The following TRIM26 variants were observed in gnomAD, a reference collection of about 807,000 sequenced individuals.
TRIM26 encodes tripartite motif-containing protein 26.
A neutral mutation model predicts 45.5 loss-of-function variants in TRIM26; 16 were observed. The ratio of observed to expected loss-of-function variants is 0.35; its 90% CI spans 0.24 to 0.53. TRIM26 has a LOEUF of 0.53. Among genes scored for constraint, TRIM26 ranks in the 20% least tolerant of loss-of-function variants. The pLI, the probability that TRIM26 is intolerant of heterozygous loss-of-function variation, is 0.92. For synonymous variants in TRIM26, 273 were observed against 290.4 expected, an observed-to-expected ratio of 0.94 and a Z score of 0.61; for missense variants, 442 against 691.1, an observed-to-expected ratio of 0.64 and a Z score of 4.04.
At position 30,189,268 on chromosome 6, in the gene TRIM26, G is replaced by A. The variant is rs1775552769; in HGVS notation, c.905-69C>T. 1.2e-6 allele frequency: 2 copies of A among 1,606,086 alleles called. No individual in the cohort carries two copies. Among genetic ancestry groups the A allele is most frequent in the African/African-American group, 1.3e-5 (1 of 74,776 alleles). ...TATGAGCCCATTTCTTGCTCGGGCA[G>A]TATCAATTTCCTGATAGGGATCCAT... On this transcript the variant is annotated intron_variant, in intron 8 of 9. Coordinates refer to ENST00000454678, the MANE Select transcript of TRIM26 (RefSeq NM_003449.5). This position sits in a 1 kb window ranked among gnomAD's most constrained non-coding sequence, Gnocchi z 5.0.
chr6:30,212,692 G>C (rs892019162), intron 1 of TRIM26, among the ~76,000 whole-genome samples: 6 of 152,160 alleles, frequency 3.9e-5, no homozygotes, highest in African/African-American at 1.2e-4. Flanking sequence ...ATGCATAAAC[G>C]AATGTCATTC....
Position 30,186,430 on chromosome 6 carries a change from C to A in TRIM26, c.1066G>T (p.Gly356Trp). The part of the protein sequence containing the change: ...LHPQQFDCEP[G>W]VLGSKGFTWG... The stretch of plus-strand genomic sequence containing the variant: ...GTGAAGCCCTTGCTGCCTAGCACCC[C>A]AGGCTCACAGTCAAACTGCTGGGGG... The change falls in exon 10 of 10, where the codon GGG becomes TGG. Residue 356 changes from glycine (G) to tryptophan (W), a missense_variant. Transcript: ENST00000454678. This position sits in a 1 kb window ranked among gnomAD's most constrained non-coding sequence, Gnocchi z 7.4. 6.2e-7 allele frequency: 1 copy of A among 1,606,804 alleles called. No homozygotes were observed. The highest frequency in any genetic ancestry group is 8.5e-7 in the Non-Finnish European group (1 of 1,176,338).
At position 30,186,085 on chromosome 6, in the gene TRIM26, A is replaced by T; in HGVS notation, c.1411T>A (p.Trp471Arg). The T allele has an allele frequency of 6.3e-7, 1 of 1,593,834 alleles. No individual in the cohort carries two copies. The highest frequency in any genetic ancestry group is 2.3e-5 in the East Asian group (1 of 43,716). The change falls in exon 10 of 10, where the codon TGG (tryptophan) becomes AGG (arginine). Residue 471 changes from tryptophan to arginine, a missense_variant. By Grantham distance (101) the Trp-to-Arg change is moderately radical. Transcript: ENST00000454678. This position sits in a 1 kb window ranked among gnomAD's most constrained non-coding sequence, Gnocchi z 7.4. ...WALRLSSSGI[W>R]ANTSPEAELF... The stretch of plus-strand genomic sequence containing the variant: ...TCAGCCTCGGGGCTGGTGTTGGCCC[A>T]GATGCCGGAGGAGGAGAGGCGCAGC...
In TRIM26 at chr6:30,198,180, A is replaced by G. The variant is rs1776691891; in HGVS notation, c.534+249T>C. Among the ~76,000 whole-genome samples, 1 of 152,248 alleles carries G rather than the reference A, an allele frequency of 6.6e-6. No individual in the cohort carries two copies. The highest frequency in any genetic ancestry group is 2.4e-5 in the African/African-American group (1 of 41,460). On this transcript the variant is annotated intron_variant, in intron 5 of 9. Transcript: ENST00000454678. This position sits in a 1 kb window ranked among gnomAD's most constrained non-coding sequence, Gnocchi z 6.3. ...CCTGCCTTCAAGGTGACAGTCACAG[A>G]AAACGGAAGGGACTCTAGCTGACAT...
chr6:30,197,376 G>A (rs1776600549), intron 5 of TRIM26, among the ~76,000 whole-genome samples: 1 of 152,138 alleles, frequency 6.6e-6, no homozygotes, highest in African/African-American at 2.4e-5. Flanking sequence ...TGAGGGCCTG[G>A]AGGGGTCCTT....
intron 3 of TRIM26, among the ~76,000 whole-genome samples, chr6:30,200,719 C>T (rs17188226): frequency 0.12 from 17,631 of 152,250 alleles, 1,545 homozygotes; most frequent in African/African-American, 0.24. Context: ...GCCCCTGACT[C>T]TGTGTGACAA....
chr6:30,192,804 G>A (rs891042062), intron 6 of TRIM26, among the ~76,000 whole-genome samples: 2 of 151,904 alleles, frequency 1.3e-5, no homozygotes, highest in Admixed American at 6.6e-5. Context: ...CAGTTCCCAC[G>A]CAGTACAATC....
rs142223143 is a variant in TRIM26, at chr6:30,193,923, G to C, written c.765+2593C>G. On this transcript the variant is annotated intron_variant, in intron 6 of 9. Transcript: ENST00000454678. ...GCAGTAGACTTTTTATGTTGATTTTGTATCCTGCAACTTTACTGAATTTGT... is the reference window on the plus strand; with the variant it reads ...GCAGTAGACTTTTTATGTTGATTTTCTATCCTGCAACTTTACTGAATTTGT... 3.9e-5 allele frequency among the ~76,000 whole-genome samples: 6 copies of C among 152,160 alleles called. No individual in the cohort carries two copies. In the East Asian group the frequency reaches 1.2e-3, roughly 29 times the overall value.
In TRIM26 at chr6:30,198,954, G is replaced by A; in HGVS notation, c.150C>T (p.Arg50=). The part of the protein sequence containing the change: ...TTDVRPISGS[R]PVCPLCKKPF... The stretch of plus-strand genomic sequence containing the variant: ...GCTTCTTGCAGAGTGGGCAGACGGG[G>A]CGGCTCCCTGAGATGGGGCGGACGT... The change falls in exon 4 of 10, where the codon CGC becomes CGT. Residue 50 remains arginine, a synonymous_variant. Transcript: ENST00000454678. This position sits in a 1 kb window ranked among gnomAD's most constrained non-coding sequence, Gnocchi z 6.3. The A allele has an allele frequency of 6.2e-7, 1 of 1,612,846 alleles. No homozygotes were observed. The highest frequency in any genetic ancestry group is 2.2e-5 in the East Asian group (1 of 44,866).
intron 3 of TRIM26, among the ~76,000 whole-genome samples, chr6:30,200,264 A>T (rs1460576828): frequency 2.0e-5 from 3 of 152,202 alleles, no homozygotes; most frequent in Non-Finnish European, 4.4e-5. Context: ...ACTGGGCAAC[A>T]GAATAAGAGA....
chr6:30,185,800 G>A lies in TRIM26; in HGVS notation c.*76C>T, dbSNP rs761690595. On this transcript the variant is annotated 3_prime_UTR_variant, in exon 10 of 10. Transcript: ENST00000454678. The surrounding 1 kb of genome is among the most constrained non-coding windows in gnomAD (Gnocchi z 5.7). ...TCCAGGTGCTTAGGCCAGGCATCCC[G>A]TCCCCCCATTGAGAGTCCTGGAATT... The A allele has an allele frequency of 1.9e-5, 28 of 1,503,276 alleles. No homozygotes were observed. In the African/African-American group the frequency reaches 2.6e-4, roughly 14 times the overall value. 93.1% of individuals were successfully genotyped at this position (1,503,276 alleles called of 1,614,324 possible). A position where few individuals can be genotyped will look rare whatever the true frequency, so the allele number is the denominator to read the frequency against.
intron 2 of TRIM26, among the ~76,000 whole-genome samples, chr6:30,203,511 G>T (rs1000685797): frequency 6.6e-6 from 1 of 152,118 alleles, no homozygotes; most frequent in Admixed American, 6.5e-5. Context: ...CGCTTGCCAG[G>T]TTCAAGCGAT....
chr6:30,204,230 G>A (rs1777491275), intron 2 of TRIM26, among the ~76,000 whole-genome samples: 1 of 152,214 alleles, frequency 6.6e-6, no homozygotes, highest in Admixed American at 6.5e-5. Flanking sequence ...CTAGGAAGCA[G>A]TGTCTGGTGC....
intron 6 of TRIM26, among the ~76,000 whole-genome samples, chr6:30,192,023 T>G (rs1423366559): frequency 6.6e-6 from 1 of 152,048 alleles, no homozygotes; most frequent in Non-Finnish European, 1.5e-5. Flanking sequence ...AGGTTAAAGG[T>G]TGTGAGCAGC....
Position 30,189,640 on chromosome 6 carries a change from A to C in TRIM26, c.789-107T>G. On this transcript the variant is annotated intron_variant, in intron 7 of 9. Transcript: ENST00000454678. The surrounding 1 kb of genome is among the most constrained non-coding windows in gnomAD (Gnocchi z 5.0). The stretch of plus-strand genomic sequence containing the variant: ...TTATGAAGGGGAGAGGAAAGGTATG[A>C]TTATCCCCAAACAAGTGACAGAAAA... The C allele has an allele frequency of 1.0e-6, 1 of 973,110 alleles. No individual in the cohort carries two copies. 60.3% of individuals were successfully genotyped at this position (973,110 alleles called of 1,614,324 possible).
Position 30,186,534 on chromosome 6 carries a change from G to A in TRIM26, c.962C>T (p.Ser321Leu). 1 of 1,520,590 alleles carries A rather than the reference G, an allele frequency of 6.6e-7. No homozygotes were observed. Among genetic ancestry groups the A allele is most frequent in the Admixed American group, 2.2e-5 (1 of 44,974 alleles). The allele number at this position is 1,520,590 out of a possible 1,614,324, so 94.2% of individuals were successfully genotyped here. ...KTVSVTLDPQ[S>L]ASGYLQLSED... ...TGACAGCTGCAGGTACCCACTGGCCGACTGTGGGTCCAGGGTGACGCTCAC... is the reference window on the plus strand; with the variant it reads ...TGACAGCTGCAGGTACCCACTGGCCAACTGTGGGTCCAGGGTGACGCTCAC... The change falls in exon 10 of 10, where the codon TCG becomes TTG. Residue 321 changes from serine (S) to leucine (L), a missense_variant. By Grantham distance (145) the Ser-to-Leu change is moderately radical. Coordinates refer to ENST00000454678, the MANE Select transcript of TRIM26 (RefSeq NM_003449.5). This position sits in a 1 kb window ranked among gnomAD's most constrained non-coding sequence, Gnocchi z 7.4.
chr6:30,196,639 C>G lies in TRIM26; in HGVS notation c.642G>C (p.Glu214Asp). 1 of 1,614,212 alleles carries G rather than the reference C, an allele frequency of 6.2e-7. No homozygotes were observed. The highest frequency in any genetic ancestry group is 1.1e-5 in the South Asian group (1 of 91,090). Residue 214 changes from glutamate to aspartate, a missense_variant, in exon 6 of 10, where the codon GAG (glutamate) becomes GAC (aspartate). Coordinates refer to ENST00000454678, the MANE Select transcript of TRIM26 (RefSeq NM_003449.5). The surrounding 1 kb of genome is among the most constrained non-coding windows in gnomAD (Gnocchi z 4.9). ...EHLLEQLAKL[E>D]QELTEGREKF... Reference sequence around the variant, plus strand: ...TCTCCCTGCCCTCCGTGAGCTCCTGCTCCAGCTTCGCCAGCTGTTCCAGCA... The same window carrying G: ...TCTCCCTGCCCTCCGTGAGCTCCTGGTCCAGCTTCGCCAGCTGTTCCAGCA...
intron 6 of TRIM26, among the ~76,000 whole-genome samples, chr6:30,194,020 C>T (rs1776216860): frequency 6.6e-6 from 1 of 152,068 alleles, no homozygotes; most frequent in Admixed American, 6.6e-5. Context: ...TTACGGAAAA[C>T]AGTATGAGAG....
intron 9 of TRIM26, chr6:30,188,390 G>T: frequency 5.2e-6 from 2 of 381,340 alleles, no homozygotes; most frequent in Non-Finnish European, 1.0e-5. Context: ...AAGAAACCCT[G>T]AACAGGTACT....
Sources: gnomAD v4.1 joint callset for allele counts (sites outside exome capture counted in the v4.1 genomes callset) on GRCh38, gnomAD v4.1.1 for gene constraint, Gnocchi (gnomAD v3.1) non-coding constraint, MANE v1.5 for transcripts, NCBI Gene and HGNC (gene_info 2026-07-23, HGNC 2026-07-21) for gene names.